FHIT: variants seen among roughly 807,000 people sequenced by gnomAD.
FHIT encodes bis(5'-adenosyl)-triphosphatase.
FHIT carries 19 observed loss-of-function variants against 17.9 expected under a neutral mutation model. That is an observed-to-expected ratio of 1.06 (90% CI 0.74 to 1.56). The LOEUF is 1.56. FHIT is among the 40% of genes most tolerant of loss of function. The pLI is 0.00. For missense variants in FHIT, 248 were observed against 189.2 expected, an observed-to-expected ratio of 1.31 and a Z score of -1.82; for synonymous variants, 81 against 69.7, an observed-to-expected ratio of 1.16 and a Z score of -0.81.
At chr3:60,861,170 G>C (rs1196519810) in intron 3 of FHIT, among the ~76,000 whole-genome samples, 1 of 508 alleles carries the variant, frequency 2.0e-3, no homozygotes, top group African/African-American at 5.1e-3. Context: ...TATATCATAT[G>C]TTCTATGATA....
At chr3:60,965,065 C>A (rs1709653854) in intron 3 of FHIT, among the ~76,000 whole-genome samples, 1 of 152,202 alleles carries the variant, frequency 6.6e-6, no homozygotes. Context: ...CTTTCAGGTA[C>A]ACCAAGCAGA....
intron 4 of FHIT, among the ~76,000 whole-genome samples, chr3:60,587,371 G>T (rs1559560365): frequency 1.3e-5 from 2 of 152,014 alleles, no homozygotes; most frequent in Non-Finnish European, 2.9e-5. Flanking sequence ...AGCAAGGGAA[G>T]AGAGAGCATT....
intron 7 of FHIT, among the ~76,000 whole-genome samples, chr3:59,961,285 G>A (rs1469675802): frequency 6.6e-6 from 1 of 152,058 alleles, no homozygotes; most frequent in African/African-American, 2.4e-5. Flanking sequence ...AAAACTTCCA[G>A]GGACATGTAA....
intron 5 of FHIT, among the ~76,000 whole-genome samples, chr3:60,526,992 G>A (rs1382370076): frequency 6.6e-6 from 1 of 152,176 alleles, no homozygotes; most frequent in East Asian, 1.9e-4. Flanking sequence ...GGGGCGTGGA[G>A]GTATGTTTCA....
intron 5 of FHIT, among the ~76,000 whole-genome samples, chr3:60,070,120 C>T (rs2630183): frequency 0.33 from 50,751 of 151,946 alleles, 9,784 homozygotes; most frequent in African/African-American, 0.53. Flanking sequence ...TTGGTGGCCA[C>T]ATCCAAGTCA....
In FHIT at chr3:60,147,858, T is replaced by C. The variant is rs79413050; in HGVS notation, c.104-133706A>G. ...TCGGGGAAACAAGTCTAGGCCTATT[T>C]GTGCATTTCTTTCTTTCACCATGGG... On this transcript the variant is annotated intron_variant, in intron 5 of 9. Coordinates refer to ENST00000492590, the MANE Select transcript of FHIT (RefSeq NM_002012.4). Among the ~76,000 whole-genome samples the C allele has an allele frequency of 6.6e-3, 1,000 of 152,290 alleles. 17 individuals are homozygous for C. The highest frequency in any genetic ancestry group is 0.027 in the Middle Eastern group (8 of 294).
intron 7 of FHIT, among the ~76,000 whole-genome samples, chr3:60,010,532 T>C (rs746673800): frequency 8.5e-5 from 13 of 152,358 alleles, no homozygotes; most frequent in Non-Finnish European, 1.6e-4. Flanking sequence ...CACTCACAGC[T>C]AGTCTTCGAA....
chr3:60,970,160 C>G (rs889347286), intron 3 of FHIT, among the ~76,000 whole-genome samples: 5 of 152,136 alleles, frequency 3.3e-5, no homozygotes, highest in Non-Finnish European at 5.9e-5. Flanking sequence ...CTATTAACTA[C>G]CTGAAGAGGT....
At chr3:60,948,086 C>G (rs1262371251) in intron 3 of FHIT, among the ~76,000 whole-genome samples, 1 of 152,146 alleles carries the variant, frequency 6.6e-6, no homozygotes, top group Non-Finnish European at 1.5e-5. Context: ...AGTGGATTCT[C>G]CAGTCAATTT....
At chr3:60,403,771 C>T (rs1701751231) in intron 5 of FHIT, among the ~76,000 whole-genome samples, 1 of 152,160 alleles carries the variant, frequency 6.6e-6, no homozygotes, top group African/African-American at 2.4e-5. Flanking sequence ...GCTCTCTGTA[C>T]TTTGTTGAGC....
chr3:60,572,428 C>T (rs1373069387), intron 4 of FHIT, among the ~76,000 whole-genome samples: 1 of 151,966 alleles, frequency 6.6e-6, no homozygotes, highest in East Asian at 1.9e-4. Context: ...CATCCTAGCC[C>T]CTAGGCATGT....
rs397947401 is a variant in FHIT, at chr3:60,027,146, C to CAAAAAAAA, written c.104-12995_104-12994insTTTTTTTT. ...ACACACACACACACACACACACACA[C>CAAAAAAAA]ACAAAATTAGTAAACCCAATAATCC... On this transcript the variant is annotated intron_variant, in intron 5 of 9. Coordinates refer to ENST00000492590, the MANE Select transcript of FHIT (RefSeq NM_002012.4). Among the ~76,000 whole-genome samples the CAAAAAAAA allele has an allele frequency of 3.7e-4, 46 of 122,890 alleles. 1 individual carries two copies. The highest frequency in any genetic ancestry group is 4.1e-3 in the Middle Eastern group (1 of 244). The allele number at this position is 122,890 out of a possible 152,430, so 80.6% of individuals were successfully genotyped here.
At chr3:60,520,870 C>T (rs1435898381) in intron 5 of FHIT, among the ~76,000 whole-genome samples, 1 of 152,024 alleles carries the variant, frequency 6.6e-6, no homozygotes, top group Non-Finnish European at 1.5e-5. Context: ...ATTTTTCACA[C>T]ACCTACCTCT....
intron 3 of FHIT, among the ~76,000 whole-genome samples, chr3:60,868,677 G>A (rs1704269181): frequency 1.3e-5 from 2 of 152,142 alleles, no homozygotes; most frequent in Middle Eastern, 3.4e-3. Context: ...TAAGGATATG[G>A]CGATACATTT....
chr3:60,027,411 A>C (rs1700796632), intron 5 of FHIT, among the ~76,000 whole-genome samples: 1 of 152,150 alleles, frequency 6.6e-6, no homozygotes, highest in Admixed American at 6.6e-5. Context: ...GTCTTTGACA[A>C]CCAACAGTCT....
intron 5 of FHIT, among the ~76,000 whole-genome samples, chr3:60,500,330 T>C (rs1309968261): frequency 2.7e-5 from 4 of 148,620 alleles, no homozygotes; most frequent in African/African-American, 1.0e-4. Flanking sequence ...CAGTATATGT[T>C]CTCAAATAAA....
intron 5 of FHIT, among the ~76,000 whole-genome samples, chr3:60,072,051 A>G (rs2630204): frequency 0.32 from 47,976 of 151,990 alleles, 8,416 homozygotes; most frequent in African/African-American, 0.46. Context: ...GTCTTTACTA[A>G]CAGAGTGAGA....
In FHIT at chr3:60,774,794, A is replaced by C. The variant is rs187174051; in HGVS notation, c.-18+47125T>G. 1.3e-3 allele frequency among the ~76,000 whole-genome samples: 196 copies of C among 152,340 alleles called. 3 individuals carry two copies. The highest frequency in any genetic ancestry group is 3.4e-3 in the Admixed American group (52 of 15,300). ...GCTATAATGTCACTAACGGGCAAGC[A>C]GCACAGACATCACAGATACATGGGA... is the stretch of plus-strand genomic sequence containing the variant. On this transcript the variant is annotated intron_variant, in intron 4 of 9. Transcript: ENST00000492590.
At chr3:61,154,915 A>T (rs1425349156) in intron 2 of FHIT, among the ~76,000 whole-genome samples, 1 of 152,246 alleles carries the variant, frequency 6.6e-6, no homozygotes, top group Admixed American at 6.5e-5. Flanking sequence ...CCTTTTAAAT[A>T]AAAGCTAGTT....
Sources: allele counts gnomAD v4.1 joint callset (sites outside exome capture counted in the v4.1 genomes callset), GRCh38; gene constraint gnomAD v4.1.1; transcripts MANE v1.5; gene names NCBI Gene and HGNC (gene_info 2026-07-23, HGNC 2026-07-21).